Variants in CRTC3 observed in about 807,000 individuals in gnomAD.
The protein encoded by CRTC3 is CREB regulated transcription coactivator 3, also known as CREB-regulated transcription coactivator 3.
Under a neutral mutation model 74.5 loss-of-function variants are expected in CRTC3, and 26 were observed. The observed-to-expected ratio is 0.35, with a 90% CI of 0.26 to 0.48. CRTC3 has a LOEUF of 0.48. Among genes scored for constraint, CRTC3 ranks in the 20% least tolerant of loss-of-function variants. The pLI is 0.99. For missense variants in CRTC3, 760 were observed against 787.3 expected, an observed-to-expected ratio of 0.97 and a Z score of 0.41; for synonymous variants, 377 against 325.8, an observed-to-expected ratio of 1.16 and a Z score of -1.69.
chr15:90,635,982 C>T (rs1596149499), intron 11 of CRTC3, among the ~76,000 whole-genome samples: 1 of 151,964 alleles, frequency 6.6e-6, no homozygotes, highest in African/African-American at 2.4e-5. Flanking sequence ...CCATACTGCC[C>T]AAGGTAATTT....
chr15:90,612,981 C>G (rs1160089293), intron 6 of CRTC3, among the ~76,000 whole-genome samples: 1 of 151,994 alleles, frequency 6.6e-6, no homozygotes, highest in East Asian at 1.9e-4. Flanking sequence ...GACAGATTAC[C>G]TGAGGTCAGG....
At chr15:90,580,353 G>C (rs923153014) in intron 2 of CRTC3, among the ~76,000 whole-genome samples, 2 of 152,004 alleles carry the variant, frequency 1.3e-5, no homozygotes, top group Admixed American at 6.6e-5. Flanking sequence ...CCTGTCTGTA[G>C]GCAAAAGTGG....
intron 2 of CRTC3, among the ~76,000 whole-genome samples, chr15:90,555,747 C>T (rs977651490): frequency 6.6e-6 from 1 of 152,098 alleles, no homozygotes; most frequent in Non-Finnish European, 1.5e-5. Flanking sequence ...AAACTCCTGA[C>T]CTCAAGTGAT....
chr15:90,562,459 A>C (rs1967032835), intron 2 of CRTC3, among the ~76,000 whole-genome samples: 1 of 152,228 alleles, frequency 6.6e-6, no homozygotes, highest in Non-Finnish European at 1.5e-5. Flanking sequence ...TTGCAAATTA[A>C]GCAAGTGTAG....
chr15:90,630,658 C>T (rs1969003558), intron 11 of CRTC3, among the ~76,000 whole-genome samples: 1 of 151,914 alleles, frequency 6.6e-6, no homozygotes, highest in Non-Finnish European at 1.5e-5. Context: ...GTTGAAACAT[C>T]CTATAAATTC....
chr15:90,631,114 A>C (rs1969023136), intron 11 of CRTC3, among the ~76,000 whole-genome samples: 1 of 77,338 alleles, frequency 1.3e-5, no homozygotes. Flanking sequence ...CCTCGCCATA[A>C]ATTAATGATT....
chr15:90,597,586 T>C (rs1001486076), intron 3 of CRTC3, among the ~76,000 whole-genome samples: 1 of 152,238 alleles, frequency 6.6e-6, no homozygotes, highest in African/African-American at 2.4e-5. Flanking sequence ...AGAAACACCA[T>C]ACTCTGTATC....
intron 2 of CRTC3, among the ~76,000 whole-genome samples, chr15:90,547,536 G>A (rs13313427): frequency 0.83 from 126,737 of 152,196 alleles, 52,978 homozygotes; most frequent in Middle Eastern, 0.9. Context: ...TGCAAAGAAC[G>A]TAGACTTATC....
chr15:90,600,908 A>G (rs931634123), intron 3 of CRTC3, among the ~76,000 whole-genome samples: 1 of 152,220 alleles, frequency 6.6e-6, no homozygotes, highest in Admixed American at 6.5e-5. Flanking sequence ...CCTTCCACAT[A>G]GGAGGTGAGA....
intron 2 of CRTC3, among the ~76,000 whole-genome samples, chr15:90,547,541 C>G (rs1189094891): frequency 6.6e-6 from 1 of 152,112 alleles, no homozygotes; most frequent in African/African-American, 2.4e-5. Flanking sequence ...AGAACGTAGA[C>G]TTATCAGATG....
Position 90,614,444 on chromosome 15 carries a change from T to TC in CRTC3, c.578-6dup, listed in dbSNP as rs1417768392. 3 of 1,604,058 alleles carry TC rather than the reference T, an allele frequency of 1.9e-6. No homozygotes were observed. Among genetic ancestry groups the TC allele is most frequent in the Non-Finnish European group, 2.6e-6 (3 of 1,171,744 alleles). The stretch of plus-strand genomic sequence containing the variant: ...GTGTTTTCTTTTTTTCTTTTTCCTT[T>TC]CCCGCTAGGTTTCTGTGATGGTGAG... On this transcript the variant is annotated splice_polypyrimidine_tract_variant and intron_variant, in intron 6 of 14. Coordinates refer to ENST00000268184, the MANE Select transcript of CRTC3 (RefSeq NM_022769.5).
intron 2 of CRTC3, among the ~76,000 whole-genome samples, chr15:90,589,064 AT>A (rs948901979): frequency 2.0e-5 from 3 of 150,930 alleles, no homozygotes; most frequent in Non-Finnish European, 4.4e-5. Context: ...TTTTATTTTT[AT>A]TTTTTTTCTG....
At chr15:90,602,189 A>G in intron 3 of CRTC3, 135 bp from the exon 4 acceptor site, 2 of 638,174 alleles carry the variant, frequency 3.1e-6, no homozygotes, top group East Asian at 5.7e-5. Flanking sequence ...AGATAAGAGA[A>G]AGCATGAAGG....
Position 90,530,022 on chromosome 15 carries a change from C to G in CRTC3, c.-50C>G. On this transcript the variant is annotated 5_prime_UTR_variant, in exon 1 of 15. Transcript: ENST00000268184. This position sits in a 1 kb window ranked among gnomAD's most constrained non-coding sequence, Gnocchi z 6.2. ...GTGGACGGACGGGTGGGCCGAGGTACAGGCCCCACGGCCGCCGTCTCCCGC... is the reference window on the plus strand; with the variant it reads ...GTGGACGGACGGGTGGGCCGAGGTAGAGGCCCCACGGCCGCCGTCTCCCGC... 7.4e-7 allele frequency: 1 copy of G among 1,343,468 alleles called. No individual in the cohort carries two copies. Among genetic ancestry groups the G allele is most frequent in the Non-Finnish European group, 9.7e-7 (1 of 1,029,204 alleles). The allele number at this position is 1,343,468 out of a possible 1,614,324, so 83.2% of individuals were successfully genotyped here.
intron 9 of CRTC3, among the ~76,000 whole-genome samples, chr15:90,621,058 C>T (rs775426291): frequency 1.3e-5 from 2 of 152,080 alleles, no homozygotes; most frequent in Non-Finnish European, 2.9e-5. Flanking sequence ...AAAGACAGGC[C>T]GCCGAGAGGT....
At chr15:90,610,741 G>T (rs1441683683) in intron 6 of CRTC3, among the ~76,000 whole-genome samples, 2 of 152,108 alleles carry the variant, frequency 1.3e-5, no homozygotes, top group Admixed American at 1.3e-4. Flanking sequence ...GGACTCTGTG[G>T]GACACGTGCC....
chr15:90,543,871 C>T (rs1191440465), intron 2 of CRTC3, among the ~76,000 whole-genome samples: 1 of 152,170 alleles, frequency 6.6e-6, no homozygotes, highest in Non-Finnish European at 1.5e-5. Flanking sequence ...TATTCTCCAT[C>T]CCCCACCTCC....
chr15:90,635,444 A>G (rs1969198023), intron 11 of CRTC3, among the ~76,000 whole-genome samples: 1 of 152,150 alleles, frequency 6.6e-6, no homozygotes, highest in African/African-American at 2.4e-5. Context: ...CAGGAGTTCG[A>G]GACCAGCCTG....
intron 2 of CRTC3, among the ~76,000 whole-genome samples, chr15:90,543,847 T>G (rs533141027): frequency 1.3e-5 from 2 of 152,302 alleles, no homozygotes; most frequent in African/African-American, 4.8e-5. Context: ...GGTTCCCTTG[T>G]GTCTGTTTGT....
Sources: gnomAD v4.1 joint callset for allele counts (sites outside exome capture counted in the v4.1 genomes callset) on GRCh38, gnomAD v4.1.1 for gene constraint, Gnocchi (gnomAD v3.1) non-coding constraint, MANE v1.5 for transcripts, NCBI Gene and HGNC (gene_info 2026-07-23, HGNC 2026-07-21) for gene names.